The following BPTF variants were observed in gnomAD, a reference collection of about 807,000 sequenced individuals.
BPTF encodes the protein nucleosome-remodeling factor subunit BPTF.
Under a neutral mutation model 292.5 loss-of-function variants are expected in BPTF, and 18 were observed. The observed-to-expected ratio is 0.06, with a 90% CI of 0.04 to 0.09. The LOEUF is 0.09. BPTF is among the 10% of genes least tolerant of loss of function. The pLI, the probability that BPTF is intolerant of heterozygous loss-of-function variation, is 1.00. For synonymous variants in BPTF, 1,225 were observed against 1,251.9 expected (o/e 0.98, Z 0.45); for missense variants, 2,726 against 3,498.7 (o/e 0.78, Z 5.57).
At chr17:67,869,852 A>C (rs59187095) in intron 3 of BPTF, among the ~76,000 whole-genome samples, 71 of 138,450 alleles carry the variant, frequency 5.1e-4, no homozygotes, top group African/African-American at 1.9e-3. Flanking sequence ...AAAAAAAAAA[A>C]TTAGCCAGGC....
intron 4 of BPTF, chr17:67,875,623 A>G: frequency 1.2e-6 from 2 of 1,600,710 alleles, no homozygotes; most frequent in Non-Finnish European, 1.7e-6. Flanking sequence ...CAACAAATGC[A>G]ACTTCAGAAG....
At chr17:67,894,979 T>G (rs1239866133) in intron 7 of BPTF, among the ~76,000 whole-genome samples, 1 of 152,158 alleles carries the variant, frequency 6.6e-6, no homozygotes, top group Non-Finnish European at 1.5e-5. Context: ...ATTACAAAAC[T>G]AAGGTTATGG....
At chr17:67,849,415 C>T (rs1161297425) in intron 1 of BPTF, among the ~76,000 whole-genome samples, 1 of 152,192 alleles carries the variant, frequency 6.6e-6, no homozygotes, top group Non-Finnish European at 1.5e-5. Flanking sequence ...ATGATAATGC[C>T]AGTCACTTGT....
intron 23 of BPTF, among the ~76,000 whole-genome samples, chr17:67,953,768 T>G (rs1233049316): frequency 6.6e-6 from 1 of 150,498 alleles, no homozygotes; most frequent in African/African-American, 2.4e-5. Context: ...TTCGGAGAGA[T>G]GGGGTTTCAT....
At chr17:67,895,461 C>T (rs1224555476) in intron 7 of BPTF, among the ~76,000 whole-genome samples, 1 of 140,432 alleles carries the variant, frequency 7.1e-6, no homozygotes, top group East Asian at 2.4e-4. Context: ...CCACCACATA[C>T]ATTTTTTTTT....
At chr17:67,855,251 A>C (rs556852274) in intron 2 of BPTF, among the ~76,000 whole-genome samples, 6 of 152,200 alleles carry the variant, frequency 3.9e-5, no homozygotes, top group Non-Finnish European at 8.8e-5. Flanking sequence ...CAGTGAGCTG[A>C]GATCACACCA....
intron 2 of BPTF, among the ~76,000 whole-genome samples, chr17:67,862,777 A>G (rs549237058): frequency 7.2e-4 from 108 of 150,906 alleles, no homozygotes; most frequent in African/African-American, 2.5e-3. Flanking sequence ...CAGCAGGGCC[A>G]TGCTCCCTCT....
At chr17:67,962,000 G>A (rs1441076928) in intron 24 of BPTF, among the ~76,000 whole-genome samples, 10 of 151,708 alleles carry the variant, frequency 6.6e-5, no homozygotes, top group East Asian at 3.9e-4. Flanking sequence ...AAAAAAAGCC[G>A]GGCCTGGTGG....
Position 67,964,394 on chromosome 17 carries a change from G to A in BPTF, c.8444G>A (p.Arg2815His), listed in dbSNP as rs368469411. The part of the protein sequence containing the change: ...KDYEGLKRVL[R>H]SLQAHKMAWP... ...TATGAGGGGTTGAAGAGGGTGCTCC[G>A]TTCCTTACAGGTGAGACCCCTCTGT... The change falls in exon 25 of 28, where the codon CGT (arginine) becomes CAT (histidine). Residue 2815 changes from arginine (R) to histidine (H), a missense_variant. Coordinates refer to ENST00000306378, the MANE Select transcript of BPTF (RefSeq NM_182641.4). The A allele has an allele frequency of 1.2e-6, 2 of 1,612,764 alleles. No homozygotes were observed. The highest frequency in any genetic ancestry group is 1.7e-6 in the Non-Finnish European group (2 of 1,178,922).
Position 67,940,622 on chromosome 17 carries a change from C to T in BPTF, c.6443C>T (p.Thr2148Ile). The stretch of plus-strand genomic sequence containing the variant: ...CCCCAACAAGGACAAGTGAAGCTCA[C>T]CATGGCTCAACTTACTCAGTTAACA... ...PRPQQGQVKL[T>I]MAQLTQLTQG... The change falls in exon 19 of 28, where the codon ACC (threonine) becomes ATC (isoleucine). Residue 2148 changes from threonine (T) to isoleucine (I), a missense_variant. Coordinates refer to ENST00000306378, the MANE Select transcript of BPTF (RefSeq NM_182641.4). 6.2e-7 allele frequency: 1 copy of T among 1,614,152 alleles called. No individual in the cohort carries two copies. Among genetic ancestry groups the T allele is most frequent in the Non-Finnish European group, 8.5e-7 (1 of 1,180,020 alleles).
intron 20 of BPTF, among the ~76,000 whole-genome samples, chr17:67,945,021 A>T (rs773672342): frequency 3.3e-5 from 5 of 152,004 alleles, no homozygotes; most frequent in Non-Finnish European, 5.9e-5. Flanking sequence ...AAAATACAAA[A>T]TTCTCAACTT....
intron 1 of BPTF, among the ~76,000 whole-genome samples, chr17:67,844,903 C>G (rs2144614807): frequency 6.6e-6 from 1 of 152,278 alleles, no homozygotes; most frequent in African/African-American, 2.4e-5. Flanking sequence ...GCCACCACGC[C>G]TGGCTAATTT....
intron 1 of BPTF, among the ~76,000 whole-genome samples, chr17:67,839,832 A>G (rs143634514): frequency 5.2e-4 from 79 of 152,278 alleles, no homozygotes; most frequent in African/African-American, 1.9e-3. Flanking sequence ...TCTGGGTTGT[A>G]TGTTTATGAG....
At chr17:67,916,923 C>T (rs528550976) in intron 11 of BPTF, among the ~76,000 whole-genome samples, 2 of 152,132 alleles carry the variant, frequency 1.3e-5, no homozygotes, top group East Asian at 3.9e-4. Context: ...GTGAAAATGT[C>T]AACAAAGTAT....
At chr17:67,875,087 T>C in intron 4 of BPTF, 67 bp downstream of exon 4, 2 of 1,406,964 alleles carry the variant, frequency 1.4e-6, no homozygotes, top group South Asian at 1.3e-5. Context: ...CCAGTTTTAC[T>C]TGCAAAATGA....
rs1456631627 is a variant in BPTF, at chr17:67,844,456, C to T, written c.614-9484C>T. Among the ~76,000 whole-genome samples, 7 of 151,594 alleles carry T rather than the reference C, an allele frequency of 4.6e-5. No homozygotes were observed. In the East Asian group the frequency reaches 1.4e-3, roughly 30 times the overall value. ...TAGAGATGGGGTTTCACCGTGTTAG[C>T]CAGTATGGTCTCGATCTCCTGACCT... On this transcript the variant is annotated intron_variant, in intron 1 of 27. Coordinates refer to ENST00000306378, the MANE Select transcript of BPTF (RefSeq NM_182641.4).
chr17:67,840,556 C>T (rs1178753302), intron 1 of BPTF, among the ~76,000 whole-genome samples: 1 of 151,532 alleles, frequency 6.6e-6, no homozygotes, highest in African/African-American at 2.4e-5. Context: ...CTTCCTCCTC[C>T]TCCTTTCTAT....
chr17:67,953,645 G>A (rs2066611102), intron 23 of BPTF, among the ~76,000 whole-genome samples: 1 of 141,108 alleles, frequency 7.1e-6, no homozygotes, highest in African/African-American at 2.6e-5. Flanking sequence ...GCACGATCTC[G>A]GCTCACTGCA....
intron 2 of BPTF, among the ~76,000 whole-genome samples, chr17:67,855,337 A>G (rs898673638): frequency 6.6e-6 from 1 of 152,200 alleles, no homozygotes; most frequent in African/African-American, 2.4e-5. Context: ...TCTAGGTGGA[A>G]TGCCACTGTG....
Sources: allele counts gnomAD v4.1 joint callset (sites outside exome capture counted in the v4.1 genomes callset), GRCh38; gene constraint gnomAD v4.1.1; transcripts MANE v1.5; gene names NCBI Gene and HGNC (gene_info 2026-07-23, HGNC 2026-07-21).